The following KCNT1 variants were observed in gnomAD, a reference collection of about 807,000 sequenced individuals.
KCNT1 encodes potassium channel subfamily T member 1.
In KCNT1, 78 loss-of-function variants were observed where a neutral mutation model predicts 147.8. The ratio of observed to expected loss-of-function variants is 0.53; its 90% CI spans 0.44 to 0.64. The LOEUF (loss-of-function observed/expected upper bound fraction) is 0.64. KCNT1 is among the 30% of genes least tolerant of loss of function. The probability of loss-of-function intolerance (pLI) is 0.00; values close to 1 mark genes in which losing one functional copy is unlikely to be tolerated. For synonymous variants in KCNT1, 867 were observed against 748.8 expected (o/e 1.16, Z -2.58); for missense variants, 1,419 against 1,750.3 (o/e 0.81, Z 3.38).
chr9:135,719,947 G>C (rs1023117275), intron 2 of KCNT1, among the ~76,000 whole-genome samples: 1 of 152,234 alleles, frequency 6.6e-6, no homozygotes, highest in Non-Finnish European at 1.5e-5. Context: ...AACTTGACTT[G>C]GTTCTCTGGA....
chr9:135,774,797 G>A, intron 19 of KCNT1, among the ~76,000 whole-genome samples: 1 of 152,234 alleles, frequency 6.6e-6, no homozygotes, highest in South Asian at 2.1e-4. Flanking sequence ...GCCGAGGGCT[G>A]ACCATGGGGG....
At position 135,714,519 on chromosome 9, in the gene KCNT1, T is replaced by C; in HGVS notation, c.111-58T>C. On this transcript the variant is annotated intron_variant, in intron 1 of 30. Transcript: ENST00000371757. The surrounding 1 kb of genome is among the most constrained non-coding windows in gnomAD (Gnocchi z 6.2). Reference sequence around the variant, plus strand: ...GGGCCGGGCCTGGCGGGCCGGGGGCTGCGCGCGTCCGCGAGGGCGCCCGAC... The same window carrying C: ...GGGCCGGGCCTGGCGGGCCGGGGGCCGCGCGCGTCCGCGAGGGCGCCCGAC... 1 of 986,784 alleles carries C rather than the reference T, an allele frequency of 1.0e-6. No homozygotes were observed. Among genetic ancestry groups the C allele is most frequent in the Non-Finnish European group, 1.2e-6 (1 of 830,540 alleles). The allele number at this position is 986,784 out of a possible 1,614,324, so 61.1% of individuals were successfully genotyped here. A position where few individuals can be genotyped will look rare whatever the true frequency, so the allele number is the denominator to read the frequency against.
At chr9:135,753,635 T>C in intron 4 of KCNT1, 1 of 501,636 alleles carries the variant, frequency 2.0e-6, no homozygotes, top group Non-Finnish European at 3.6e-6. Flanking sequence ...GTGTTGCTGT[T>C]GGGTTGGGGC....
intron 6 of KCNT1, among the ~76,000 whole-genome samples, chr9:135,756,555 C>A (rs1831491712): frequency 6.6e-6 from 1 of 152,180 alleles, no homozygotes; most frequent in South Asian, 2.1e-4. Flanking sequence ...GTTCCCTCCC[C>A]ACCAGGGCAG....
intron 24 of KCNT1, among the ~76,000 whole-genome samples, chr9:135,781,654 A>AT (rs1554778905): frequency 1.3e-5 from 2 of 151,842 alleles, no homozygotes; most frequent in African/African-American, 4.8e-5. Flanking sequence ...AAAAAAAAAA[A>AT]TTGAAGAAAA....
intron 2 of KCNT1, among the ~76,000 whole-genome samples, chr9:135,742,293 C>T (rs1002285875): frequency 6.6e-6 from 1 of 152,228 alleles, no homozygotes; most frequent in Admixed American, 6.5e-5. Context: ...TGGAGCTCAC[C>T]GCGCTCGCTT....
Position 135,765,064 on chromosome 9 carries a change from C to T in KCNT1, c.1069C>T (p.Gln357Ter). 1.2e-6 allele frequency: 2 copies of T among 1,613,038 alleles called. No homozygotes were observed. Among genetic ancestry groups the T allele is most frequent in the Non-Finnish European group, 1.7e-6 (2 of 1,179,738 alleles). Reference sequence around the variant, plus strand: ...GCTCGTCTACCTCTGGATGGAGCGGCAGAAGTCAGGGGGCAACTACAGCCG... The same window carrying T: ...GCTCGTCTACCTCTGGATGGAGCGGTAGAAGTCAGGGGGCAACTACAGCCG... ...EELVYLWMER[Q>*]KSGGNYSRHR... is the part of the protein sequence containing the mutation. The change falls in exon 12 of 31, where the codon CAG (glutamine) becomes TAG (stop). Residue 357 changes from glutamine (Q) to a stop codon, truncating the protein, a stop_gained. Transcript: ENST00000371757. LOFTEE classifies it high-confidence loss of function.
At position 135,765,779 on chromosome 9, in the gene KCNT1, AG is replaced by A; in HGVS notation, c.1337+24del. The stretch of plus-strand genomic sequence containing the variant: ...GAGCCAAGTGAGTGCTGGTGGGCGG[AG>A]GGGGTGGCATGGGGGCACCTTCCTG... On this transcript the variant is annotated intron_variant, in intron 13 of 30. Coordinates refer to ENST00000371757, the MANE Select transcript of KCNT1 (RefSeq NM_020822.3). The A allele has an allele frequency of 2.4e-6, 2 of 832,328 alleles. No individual in the cohort carries two copies. The highest frequency in any genetic ancestry group is 3.7e-6 in the Non-Finnish European group (2 of 534,292). The allele number at this position is 832,328 out of a possible 1,614,324, so 51.6% of individuals were successfully genotyped here.
At chr9:135,785,989 C>G in intron 28 of KCNT1, 1 of 592,384 alleles carries the variant, frequency 1.7e-6, no homozygotes. Context: ...GATCTGTGCT[C>G]AGGAGGAAAC....
chr9:135,714,747 TG>T lies in KCNT1; in HGVS notation c.254+31del. The stretch of plus-strand genomic sequence containing the variant: ...TAGGGACCGGGCGCGGGGTGGGGGC[TG>T]GGGTCGCCGTCCCGGCGCCGCCGCA... On this transcript the variant is annotated intron_variant, in intron 2 of 30. Transcript: ENST00000371757. The surrounding 1 kb of genome is among the most constrained non-coding windows in gnomAD (Gnocchi z 6.2). 2.5e-6 allele frequency: 3 copies of T among 1,204,046 alleles called. No individual in the cohort carries two copies. The highest frequency in any genetic ancestry group is 3.7e-5 in the Admixed American group (1 of 26,690). The allele number at this position is 1,204,046 out of a possible 1,614,324, so 74.6% of individuals were successfully genotyped here. A position where few individuals can be genotyped will look rare whatever the true frequency, so the allele number is the denominator to read the frequency against.
In KCNT1 at chr9:135,792,366, G is replaced by A; in HGVS notation, c.*205G>A. On this transcript the variant is annotated 3_prime_UTR_variant, in exon 31 of 31. Coordinates refer to ENST00000371757, the MANE Select transcript of KCNT1 (RefSeq NM_020822.3). ...CTGGGCACCTGCAGGCTAGTGAGGA[G>A]AGTTTTTTAACCTATTTTTACACGT... The A allele has an allele frequency of 8.7e-6, 5 of 576,166 alleles. No homozygotes were observed. The highest frequency in any genetic ancestry group is 1.9e-5 in the African/African-American group (1 of 53,172). The allele number at this position is 576,166 out of a possible 1,614,324, so 35.7% of individuals were successfully genotyped here.
intron 2 of KCNT1, among the ~76,000 whole-genome samples, chr9:135,727,849 C>A (rs1836283111): frequency 6.6e-6 from 1 of 152,216 alleles, no homozygotes; most frequent in African/African-American, 2.4e-5. Flanking sequence ...TCCTGACTGA[C>A]CGTCCCAATC....
At chr9:135,788,603 GAGCCAGGGCCCCGGGAGGAGCTCGGTGA>G (rs1041236593) in intron 29 of KCNT1, among the ~76,000 whole-genome samples, 1 of 152,196 alleles carries the variant, frequency 6.6e-6, no homozygotes, top group Admixed American at 6.5e-5. Flanking sequence ...AGAGGGTCCC[GAGCCAGGGCCCCGGGAGGAGCTCGGTGA>G]AGCCTGGGCT....
chr9:135,760,536 G>A (rs1288380674), intron 11 of KCNT1, among the ~76,000 whole-genome samples: 1 of 152,176 alleles, frequency 6.6e-6, no homozygotes, highest in African/African-American at 2.4e-5. Context: ...AGGTGGCCAG[G>A]GCCTTCTGGG....
chr9:135,759,548 C>A, intron 10 of KCNT1, 131 bp from the exon 11 acceptor site: 1 of 943,334 alleles, frequency 1.1e-6, no homozygotes, highest in Non-Finnish European at 1.5e-6. Flanking sequence ...GTCAGGAGGG[C>A]GGGGCTCGCC....
Position 135,711,236 on chromosome 9 carries a change from C to T in KCNT1, c.111-3341C>T, listed in dbSNP as rs956590079. ...GAACGGGAATGCCCAGAGCCTTTGGCGGGAGAAGCTTGTCTTTAAGCACTT... is the reference window on the plus strand; with the variant it reads ...GAACGGGAATGCCCAGAGCCTTTGGTGGGAGAAGCTTGTCTTTAAGCACTT... On this transcript the variant is annotated intron_variant, in intron 1 of 30. Transcript: ENST00000371757. Among the ~76,000 whole-genome samples the T allele has an allele frequency of 7.2e-5, 11 of 152,214 alleles. 1 individual carries two copies. The highest frequency in any genetic ancestry group is 6.2e-4 in the South Asian group (3 of 4,822).
At chr9:135,756,043 G>A (rs1415232414) in intron 6 of KCNT1, among the ~76,000 whole-genome samples, 3 of 142,766 alleles carry the variant, frequency 2.1e-5, no homozygotes, top group Middle Eastern at 4.3e-3. Context: ...GTAAACAGGG[G>A]ACCCAGGCTC....
At position 135,792,098 on chromosome 9, in the gene KCNT1, G is replaced by A; in HGVS notation, c.3645G>A (p.Lys1215=). 1.2e-6 allele frequency: 2 copies of A among 1,604,608 alleles called. No individual in the cohort carries two copies. Among genetic ancestry groups the A allele is most frequent in the Non-Finnish European group, 1.7e-6 (2 of 1,179,510 alleles). ...TGGCCAGCAGCTCCCAGAGCCGGAA[G>A]AGCAGCTGCAGCCACAAGCTGTCGT... ...AHVASSSQSR[K]SSCSHKLSSC... The change falls in exon 31 of 31, where the codon AAG becomes AAA. Residue 1215 remains lysine, a synonymous_variant. Transcript: ENST00000371757.
At chr9:135,734,601 T>G (rs948134563) in intron 2 of KCNT1, among the ~76,000 whole-genome samples, 1 of 152,068 alleles carries the variant, frequency 6.6e-6, no homozygotes, top group Non-Finnish European at 1.5e-5. Flanking sequence ...GTCACATAAC[T>G]CTCATCCTGT....
Sources: allele counts gnomAD v4.1 joint callset (sites outside exome capture counted in the v4.1 genomes callset), GRCh38; gene constraint gnomAD v4.1.1; non-coding constraint Gnocchi (gnomAD v3.1); transcripts MANE v1.5; gene names NCBI Gene and HGNC (gene_info 2026-07-23, HGNC 2026-07-21).